OLFM3: variants seen among roughly 807,000 people sequenced by gnomAD.
The protein encoded by OLFM3 is olfactomedin 3.
OLFM3 carries 20 observed loss-of-function variants against 48.6 expected under a neutral mutation model. That is an observed-to-expected ratio of 0.41 (90% CI 0.29 to 0.60). The LOEUF is 0.60. Ranked by LOEUF, OLFM3 falls within the 20% of genes least tolerant of loss-of-function variation. The pLI is 0.28. For missense variants in OLFM3, 437 were observed against 544.3 expected, an observed-to-expected ratio of 0.80 and a Z score of 1.96; for synonymous variants, 222 against 198.1, an observed-to-expected ratio of 1.12 and a Z score of -1.01.
chr1:101,994,497 A>C (rs1570699109), intron 1 of OLFM3, among the ~76,000 whole-genome samples: 1 of 150,248 alleles, frequency 6.7e-6, no homozygotes, highest in South Asian at 2.1e-4. Flanking sequence ...ATGAAAAATA[A>C]AATTTTACAA....
At chr1:101,825,311 A>G (rs1470511193) in intron 3 of OLFM3, 66 bp from the exon 4 acceptor site, 15 of 1,204,282 alleles carry the variant, frequency 1.2e-5, no homozygotes, top group Non-Finnish European at 1.7e-5. Context: ...TGTTCTTTTT[A>G]TTATGATACT....
intron 1 of OLFM3, among the ~76,000 whole-genome samples, chr1:101,989,706 AG>A (rs1176986054): frequency 6.2e-5 from 7 of 113,566 alleles, no homozygotes; most frequent in Admixed American, 6.0e-4. Flanking sequence ...ATATTACAAT[AG>A]CTAATTGAGG....
intron 1 of OLFM3, among the ~76,000 whole-genome samples, chr1:101,929,752 A>G (rs758602785): frequency 6.6e-6 from 1 of 152,158 alleles, no homozygotes; most frequent in Non-Finnish European, 1.5e-5. Context: ...AAAGTCAGAG[A>G]GAATAGAATT....
intron 1 of OLFM3, among the ~76,000 whole-genome samples, chr1:101,988,086 T>C (rs1661301920): frequency 6.6e-6 from 1 of 152,062 alleles, no homozygotes; most frequent in Non-Finnish European, 1.5e-5. Flanking sequence ...AGTACCATTA[T>C]AAGTGTATAT....
intron 4 of OLFM3, chr1:101,813,267 T>C: frequency 3.0e-6 from 1 of 334,432 alleles, no homozygotes. Flanking sequence ...TGAAATTCAG[T>C]CATGAGTACT....
At chr1:101,982,796 C>A (rs1014470723) in intron 1 of OLFM3, among the ~76,000 whole-genome samples, 6 of 152,106 alleles carry the variant, frequency 3.9e-5, no homozygotes, top group Non-Finnish European at 1.5e-5. Context: ...CAGAACTATA[C>A]CCTCTCCTTG....
At chr1:101,809,967 T>C (rs1408390526) in intron 4 of OLFM3, among the ~76,000 whole-genome samples, 1 of 151,910 alleles carries the variant, frequency 6.6e-6, no homozygotes, top group Non-Finnish European at 1.5e-5. Flanking sequence ...TTCTTACAGA[T>C]CTCATCTGCT....
intron 1 of OLFM3, among the ~76,000 whole-genome samples, chr1:101,962,548 GGTGA>G (rs1201108103): frequency 5.3e-5 from 8 of 152,094 alleles, no homozygotes; most frequent in African/African-American, 1.9e-4. Flanking sequence ...TATCCAATGG[GGTGA>G]GTTTCTCTGG....
chr1:101,992,957 A>G (rs941604152), intron 1 of OLFM3, among the ~76,000 whole-genome samples: 5 of 152,128 alleles, frequency 3.3e-5, no homozygotes, highest in African/African-American at 1.2e-4. Flanking sequence ...GTAGTGTGAG[A>G]AAGTATCATG....
chr1:101,850,199 A>G (rs1182293771), intron 1 of OLFM3, among the ~76,000 whole-genome samples: 1 of 152,190 alleles, frequency 6.6e-6, no homozygotes, highest in Non-Finnish European at 1.5e-5. Context: ...AATCTCACAA[A>G]AAATGTGACC....
intron 1 of OLFM3, among the ~76,000 whole-genome samples, chr1:101,996,539 T>TC: frequency 6.6e-6 from 1 of 152,012 alleles, no homozygotes; most frequent in Admixed American, 6.6e-5. Flanking sequence ...TCCTAGTCCC[T>TC]CCCCCCGCGC....
chr1:101,945,220 C>A (rs1051447482), intron 1 of OLFM3, among the ~76,000 whole-genome samples: 3 of 152,132 alleles, frequency 2.0e-5, no homozygotes, highest in African/African-American at 7.2e-5. Flanking sequence ...ATGTTTACAT[C>A]AGCTTTATTT....
chr1:101,812,002 G>T (rs959412379), intron 4 of OLFM3, among the ~76,000 whole-genome samples: 3 of 152,182 alleles, frequency 2.0e-5, no homozygotes, highest in Non-Finnish European at 4.4e-5. Flanking sequence ...AATATATGCA[G>T]CCATAAAAAA....
rs78036648 is a variant in OLFM3 at position 101,813,656 on chromosome 1, C to T, written c.593-7474G>A. Among the ~76,000 whole-genome samples the T allele has an allele frequency of 5.1e-3, 779 of 152,226 alleles. 6 individuals are homozygous for T. The highest frequency in any genetic ancestry group is 0.018 in the African/African-American group (730 of 41,554). On this transcript the variant is annotated intron_variant, in intron 4 of 5. Transcript: ENST00000370103. Reference sequence around the variant, plus strand: ...GTGTTTTGCATTATTTGATTCTCCTCTGTGTAATCTTCTCTCTGTCAGGTT... The same window carrying T: ...GTGTTTTGCATTATTTGATTCTCCTTTGTGTAATCTTCTCTCTGTCAGGTT...
chr1:101,952,481 T>C (rs1003892299), intron 1 of OLFM3, among the ~76,000 whole-genome samples: 1 of 152,098 alleles, frequency 6.6e-6, no homozygotes, highest in African/African-American at 2.4e-5. Flanking sequence ...GAATCAATGC[T>C]AGTAAATAGA....
chr1:101,956,005 A>G (rs904949133), intron 1 of OLFM3, among the ~76,000 whole-genome samples: 1 of 151,134 alleles, frequency 6.6e-6, no homozygotes, highest in Non-Finnish European at 1.5e-5. Flanking sequence ...CAGTTTATAC[A>G]TTACTGGTCA....
chr1:101,868,202 A>G (rs997729219), intron 1 of OLFM3, among the ~76,000 whole-genome samples: 2 of 152,204 alleles, frequency 1.3e-5, no homozygotes, highest in Non-Finnish European at 2.9e-5. Context: ...GATACTCAAA[A>G]TGTGGAAGCA....
intron 4 of OLFM3, among the ~76,000 whole-genome samples, chr1:101,809,094 C>T (rs1653922880): frequency 6.6e-6 from 1 of 150,926 alleles, no homozygotes. Context: ...TAGGATCAAT[C>T]TAGAAGCTCC....
chr1:101,865,413 A>C (rs1210733937), intron 1 of OLFM3, among the ~76,000 whole-genome samples: 1 of 151,414 alleles, frequency 6.6e-6, no homozygotes, highest in East Asian at 1.9e-4. Context: ...TATTAGCACA[A>C]ACCCAGAGTA....
Sources: allele counts gnomAD v4.1 joint callset (sites outside exome capture counted in the v4.1 genomes callset), GRCh38; gene constraint gnomAD v4.1.1; transcripts MANE v1.5; gene names NCBI Gene and HGNC (gene_info 2026-07-23, HGNC 2026-07-21).